UGGT1: variants seen among roughly 807,000 people sequenced by gnomAD.
UGGT1 encodes the protein UDP-glucose:glycoprotein glucosyltransferase 1.
UGGT1 carries 107 observed loss-of-function variants against 203.9 expected under a neutral mutation model. The observed-to-expected ratio is 0.52, with a 90% CI of 0.45 to 0.62. The LOEUF (loss-of-function observed/expected upper bound fraction) is 0.62, where lower values mean the gene tolerates loss of function less well. Ranked by LOEUF, UGGT1 falls within the 20% of genes least tolerant of loss-of-function variation. UGGT1 has a pLI of 0.00. For missense variants in UGGT1, 1,673 were observed against 1,867.2 expected (o/e 0.90, Z 1.92); for synonymous variants, 628 against 653.5 (o/e 0.96, Z 0.59).
At chr2:128,106,213 A>G (rs1020003664) in intron 3 of UGGT1, among the ~76,000 whole-genome samples, 3 of 152,058 alleles carry the variant, frequency 2.0e-5, no homozygotes, top group Non-Finnish European at 4.4e-5. Context: ...TTATCAAAAA[A>G]TACTTTATTT....
chr2:128,188,195 TTTTA>T (rs1692083216), intron 40 of UGGT1, among the ~76,000 whole-genome samples: 1 of 151,736 alleles, frequency 6.6e-6, no homozygotes, highest in African/African-American at 2.4e-5. Context: ...TATTTTTAAA[TTTTA>T]TTTATTTTTT....
chr2:128,106,997 T>C (rs1183858798), intron 3 of UGGT1, among the ~76,000 whole-genome samples: 1 of 152,174 alleles, frequency 6.6e-6, no homozygotes, highest in Non-Finnish European at 1.5e-5. Context: ...AAATGGAAAA[T>C]TTAAGTTTTT....
intron 37 of UGGT1, among the ~76,000 whole-genome samples, chr2:128,183,087 TTG>T (rs911513506): frequency 1.3e-5 from 2 of 152,214 alleles, no homozygotes; most frequent in African/African-American, 2.4e-5. Flanking sequence ...TCTCATATAT[TTG>T]TGAGATAAAT....
Position 128,129,167 on chromosome 2 carries a change from T to C in UGGT1, c.1365T>C (p.Ser455=). The change falls in exon 13 of 41, where the codon AGT becomes AGC. Residue 455 remains serine, a synonymous_variant. Transcript: ENST00000259253. The part of the protein sequence containing the change: ...SEADYAVDIR[S]PAISWVNNLE... ...CAGACTATGCCGTAGACATCCGGAGTCCTGCTATTTCAGTGAGTATTTTGT... is the reference window on the plus strand; with the variant it reads ...CAGACTATGCCGTAGACATCCGGAGCCCTGCTATTTCAGTGAGTATTTTGT... 1 of 1,607,672 alleles carries C rather than the reference T, an allele frequency of 6.2e-7. No homozygotes were observed. The highest frequency in any genetic ancestry group is 8.5e-7 in the Non-Finnish European group (1 of 1,178,490).
At chr2:128,114,701 C>A (rs1688019653) in intron 6 of UGGT1, among the ~76,000 whole-genome samples, 1 of 152,188 alleles carries the variant, frequency 6.6e-6, no homozygotes, top group Non-Finnish European at 1.5e-5. Flanking sequence ...ACTTCTTTTT[C>A]TCTTTCTCCA....
At chr2:128,161,659 G>A (rs1037813097) in intron 25 of UGGT1, among the ~76,000 whole-genome samples, 2 of 152,104 alleles carry the variant, frequency 1.3e-5, no homozygotes, top group African/African-American at 4.8e-5. Flanking sequence ...CAGTTTAAAT[G>A]TTTCTTTTAT....
In UGGT1 at chr2:128,183,714, AGCT is replaced by A; in HGVS notation, c.4289_4291del (p.Ala1430del). The A allele has an allele frequency of 6.2e-7, 1 of 1,614,112 alleles. No individual in the cohort carries two copies. Among genetic ancestry groups the A allele is most frequent in the Non-Finnish European group, 8.5e-7 (1 of 1,179,966 alleles). On this transcript the variant is annotated inframe_deletion, in exon 38 of 41. Coordinates refer to ENST00000259253, the MANE Select transcript of UGGT1 (RefSeq NM_020120.4). ...TGGATCTGAAGAAGTTTAGGAAAAT[AGCT>A]GCTGGTGACAGACTCAGGGGACAGT...
At chr2:128,182,698 C>CAAAAAAAAAAAA (rs70988612) in intron 37 of UGGT1, among the ~76,000 whole-genome samples, 17 of 118,178 alleles carry the variant, frequency 1.4e-4, no homozygotes, top group South Asian at 6.8e-4. Flanking sequence ...GATTCCATCT[C>CAAAAAAAAAAAA]AAAAAAAAAA....
intron 16 of UGGT1, among the ~76,000 whole-genome samples, chr2:128,141,350 T>C (rs1036390347): frequency 2.0e-5 from 3 of 151,804 alleles, no homozygotes; most frequent in African/African-American, 7.3e-5. Context: ...ATCCTAGTAC[T>C]TTGGGGAGGC....
Position 128,193,675 on chromosome 2 carries a change from C to A in UGGT1, c.*3933C>A, listed in dbSNP as rs1692383317. 1 of 152,170 alleles carries A rather than the reference C, an allele frequency of 6.6e-6. No homozygotes were observed. The highest frequency in any genetic ancestry group is 2.4e-5 in the African/African-American group (1 of 41,422). 9.4% of individuals were successfully genotyped at this position (152,170 alleles called of 1,614,324 possible). The stretch of plus-strand genomic sequence containing the variant: ...CTAGGGACAGGGGGAAGAGACTGGC[C>A]CAGGTGGTAGGGAGGAAAGAACTCC... On this transcript the variant is annotated 3_prime_UTR_variant, in exon 41 of 41. Coordinates refer to ENST00000259253, the MANE Select transcript of UGGT1 (RefSeq NM_020120.4).
chr2:128,119,590 A>G (rs1021382137), intron 8 of UGGT1, among the ~76,000 whole-genome samples: 6 of 152,346 alleles, frequency 3.9e-5, no homozygotes, highest in South Asian at 2.1e-4. Context: ...CCCAGTAACT[A>G]TGGTTAGCCT....
intron 2 of UGGT1, among the ~76,000 whole-genome samples, chr2:128,100,029 C>A (rs1449938428): frequency 3.9e-5 from 3 of 77,370 alleles, no homozygotes; most frequent in East Asian, 5.0e-4. Context: ...CCCCCCCCCC[C>A]ACCCTACTTA....
At position 128,177,997 on chromosome 2, in the gene UGGT1, CT is replaced by C; in HGVS notation, c.3713+79del. 31 of 1,266,342 alleles carry C rather than the reference CT, an allele frequency of 2.4e-5. 2 individuals are homozygous for C. In the South Asian group the frequency reaches 4.5e-4, roughly 19 times the overall value. The allele number at this position is 1,266,342 out of a possible 1,614,324, so 78.4% of individuals were successfully genotyped here. ...CACCATCCATCCCTCCTTTTTGCAT[CT>C]TGTGATTCTGTCTGGGCCTTTCACA... On this transcript the variant is annotated intron_variant, in intron 33 of 40. Transcript: ENST00000259253.
In UGGT1 at chr2:128,192,244, T is replaced by G. The variant is rs1692298630; in HGVS notation, c.*2502T>G. ...AACCCAGCTTGCTTCCAGAATGGCC[T>G]AGGACCCTCCTCCTCCTGCCAGTTT... is the stretch of plus-strand genomic sequence containing the variant. On this transcript the variant is annotated 3_prime_UTR_variant, in exon 41 of 41. Transcript: ENST00000259253. 1.3e-5 allele frequency: 2 copies of G among 150,572 alleles called. No individual in the cohort carries two copies. The highest frequency in any genetic ancestry group is 6.6e-5 in the Admixed American group (1 of 15,080). 9.3% of individuals were successfully genotyped at this position (150,572 alleles called of 1,614,324 possible).
At chr2:128,165,347 C>G (rs913906951) in intron 26 of UGGT1, among the ~76,000 whole-genome samples, 13 of 152,144 alleles carry the variant, frequency 8.5e-5, no homozygotes, top group Non-Finnish European at 1.9e-4. Context: ...GAGCCATGAT[C>G]TCATCACTGC....
intron 3 of UGGT1, 147 bp downstream of exon 3, chr2:128,104,161 C>CCAACA (rs1167125833): frequency 3.5e-6 from 2 of 566,950 alleles, no homozygotes; most frequent in Non-Finnish European, 6.0e-6. Context: ...TCAGGAAGAG[C>CCAACA]CAACACAACA....
chr2:128,117,334 C>A (rs1688154648), intron 8 of UGGT1, among the ~76,000 whole-genome samples: 1 of 152,194 alleles, frequency 6.6e-6, no homozygotes, highest in Admixed American at 6.5e-5. Context: ...AAGTGGTCTG[C>A]CTGCTTCGCT....
rs1686855741 is a variant in UGGT1 at position 128,091,426 on chromosome 2, G to A, written c.58+11G>A. The A allele has an allele frequency of 6.3e-7, 1 of 1,577,844 alleles. No homozygotes were observed. Among genetic ancestry groups the A allele is most frequent in the Non-Finnish European group, 8.6e-7 (1 of 1,161,684 alleles). On this transcript the variant is annotated intron_variant, in intron 1 of 40. Transcript: ENST00000259253. ...CGCTGCCGGTGACAGGTACCCAGGG[G>A]TGGCGTGAGGAGGCCTCGTGGACAA...
chr2:128,102,981 A>G, intron 2 of UGGT1: 4 of 452,254 alleles, frequency 8.8e-6, no homozygotes, highest in Non-Finnish European at 1.8e-5. Flanking sequence ...TGAGAAATTT[A>G]ATATATTATG....
Sources: allele counts gnomAD v4.1 joint callset (sites outside exome capture counted in the v4.1 genomes callset), GRCh38; gene constraint gnomAD v4.1.1; transcripts MANE v1.5; gene names NCBI Gene and HGNC (gene_info 2026-07-23, HGNC 2026-07-21).